NAALADL2: variants seen among roughly 807,000 people sequenced by gnomAD.
NAALADL2 encodes the protein N-acetylated alpha-linked acidic dipeptidase like 2.
A neutral mutation model predicts 87.2 loss-of-function variants in NAALADL2; 76 were observed. The observed-to-expected ratio is 0.87, with a 90% CI of 0.72 to 1.05. The LOEUF (loss-of-function observed/expected upper bound fraction) is 1.05. Ranked by LOEUF, NAALADL2 falls within the 50% of genes least tolerant of loss-of-function variation. The pLI is 0.00. For synonymous variants in NAALADL2, 354 were observed against 331.0 expected, an observed-to-expected ratio of 1.07 and a Z score of -0.75; for missense variants, 1,089 against 945.8, an observed-to-expected ratio of 1.15 and a Z score of -1.99.
At chr3:174,755,066 C>A (rs987601068) in intron 3 of NAALADL2, among the ~76,000 whole-genome samples, 1 of 152,126 alleles carries the variant, frequency 6.6e-6, no homozygotes, top group African/African-American at 2.4e-5. Flanking sequence ...GGGAGAGACC[C>A]GGTGGAGGTG....
intron 5 of NAALADL2, among the ~76,000 whole-genome samples, chr3:175,335,330 C>T (rs1367333490): frequency 6.6e-6 from 1 of 152,162 alleles, no homozygotes; most frequent in Non-Finnish European, 1.5e-5. Context: ...GGAATGAGTG[C>T]TGCAGAATAA....
chr3:174,969,656 A>G lies in NAALADL2; in HGVS notation c.43+110206A>G, dbSNP rs114256912. Among the ~76,000 whole-genome samples the G allele has an allele frequency of 8.0e-3, 1,217 of 152,302 alleles. 13 individuals are homozygous for G. Among genetic ancestry groups the G allele is most frequent in the African/African-American group, 0.027 (1,131 of 41,566 alleles). ...ATAGGACAACACCTTCAGGATACGG[A>G]GGCCATGATAATGTAAAATTCTCCC... On this transcript the variant is annotated intron_variant, in intron 1 of 13. Transcript: ENST00000454872.
intron 1 of NAALADL2, among the ~76,000 whole-genome samples, chr3:174,994,600 T>C (rs181292762): frequency 6.6e-6 from 1 of 152,246 alleles, no homozygotes; most frequent in East Asian, 1.9e-4. Context: ...TCTTTTATTC[T>C]TTTAGCGGTC....
chr3:175,538,972 A>G (rs920985855), intron 9 of NAALADL2, among the ~76,000 whole-genome samples: 1 of 152,238 alleles, frequency 6.6e-6, no homozygotes, highest in Non-Finnish European at 1.5e-5. Flanking sequence ...ATATTTTTCT[A>G]CAAAAGGTAA....
intron 11 of NAALADL2, among the ~76,000 whole-genome samples, chr3:175,628,609 C>CTATGTATA (rs10663163): frequency 8.4e-4 from 111 of 132,232 alleles, no homozygotes; most frequent in South Asian, 3.9e-3. Flanking sequence ...AATAATCTCT[C>CTATGTATA]TCTCTATGTA....
chr3:174,741,480 TG>T (rs1733754660), intron 3 of NAALADL2, among the ~76,000 whole-genome samples: 1 of 151,658 alleles, frequency 6.6e-6, no homozygotes, highest in African/African-American at 2.4e-5. Flanking sequence ...TGGTAATTTT[TG>T]TATTATTATA....
rs185857634 is a variant in NAALADL2, at chr3:174,787,722, A to G, written c.-9+49976A>G. Among the ~76,000 whole-genome samples, 108 of 149,196 alleles carry G rather than the reference A, an allele frequency of 7.2e-4. 3 individuals are homozygous for G. The East Asian group carries it at 0.021, about 29-fold the overall frequency. ...GAGAAGTGGATTAAGTATGGAATAA[A>G]TCTTTCTGGGTTTTTATAAATTTGA... On this transcript the variant is annotated intron_variant, in intron 3 of 3. Coordinates refer to the NAALADL2 transcript ENST00000434257.
At chr3:175,273,657 AT>A (rs1488137349) in intron 4 of NAALADL2, among the ~76,000 whole-genome samples, 1 of 152,110 alleles carries the variant, frequency 6.6e-6, no homozygotes, top group Admixed American at 6.6e-5. Context: ...TAGAAAAAAA[AT>A]GACAATTTAT....
chr3:174,859,214 A>G (rs1214413072), upstream of NAALADL2: 2 of 574,640 alleles, frequency 3.5e-6, no homozygotes, highest in African/African-American at 1.9e-5. Context: ...GGATCAAAAG[A>G]TATGATCTCA....
chr3:174,675,859 A>G (rs918232795), intron 2 of NAALADL2, among the ~76,000 whole-genome samples: 2 of 152,230 alleles, frequency 1.3e-5, no homozygotes, highest in South Asian at 2.1e-4. Flanking sequence ...TTAGCACAGT[A>G]AATTCCAATG....
chr3:174,865,267 A>T (rs981724141), intron 1 of NAALADL2, among the ~76,000 whole-genome samples: 10 of 152,106 alleles, frequency 6.6e-5, no homozygotes, highest in Admixed American at 1.3e-4. Flanking sequence ...CAACTGCTAA[A>T]TTTAATGCAG....
At chr3:175,237,865 A>T (rs1455684470) in intron 3 of NAALADL2, among the ~76,000 whole-genome samples, 3 of 152,120 alleles carry the variant, frequency 2.0e-5, no homozygotes, top group Non-Finnish European at 4.4e-5. Flanking sequence ...ACTTTCTTGT[A>T]TGTCTCCATC....
At chr3:174,744,511 C>G (rs892311396) in intron 3 of NAALADL2, among the ~76,000 whole-genome samples, 8 of 152,066 alleles carry the variant, frequency 5.3e-5, no homozygotes, top group African/African-American at 1.9e-4. Context: ...GAGATTTTAA[C>G]AGCCCACTGT....
chr3:174,619,180 G>T (rs1720763928), intron 2 of NAALADL2, among the ~76,000 whole-genome samples: 1 of 151,802 alleles, frequency 6.6e-6, no homozygotes. Context: ...CTACTCTCTT[G>T]TTACAGATGT....
chr3:174,653,288 T>A (rs1472293717), intron 2 of NAALADL2, among the ~76,000 whole-genome samples: 1 of 152,214 alleles, frequency 6.6e-6, no homozygotes, highest in East Asian at 1.9e-4. Context: ...GTAGAATGGA[T>A]AAATGAATAA....
intron 2 of NAALADL2, among the ~76,000 whole-genome samples, chr3:174,722,163 T>A (rs758109688): frequency 2.0e-5 from 3 of 152,120 alleles, no homozygotes; most frequent in Non-Finnish European, 4.4e-5. Context: ...TCCAATCCCA[T>A]CCTCTAGAAA....
At chr3:174,913,192 G>A (rs567745134) in intron 1 of NAALADL2, among the ~76,000 whole-genome samples, 5 of 152,028 alleles carry the variant, frequency 3.3e-5, no homozygotes, top group South Asian at 4.1e-4. Context: ...AATTATTTTC[G>A]ACTTGTCTTA....
rs554700173 is a variant in NAALADL2, at chr3:175,079,936, A to G, written c.44-16854A>G. Among the ~76,000 whole-genome samples the G allele has an allele frequency of 3.0e-4, 46 of 152,048 alleles. 1 individual carries two copies. Among genetic ancestry groups the G allele is most frequent in the Non-Finnish European group, 3.4e-4 (23 of 67,992 alleles). On this transcript the variant is annotated intron_variant, in intron 1 of 13. Transcript: ENST00000454872. ...GCAAATATAAGAATTGCCATACTCTAAGGGTGGTATTTCACATATTCTAGA... is the reference window on the plus strand; with the variant it reads ...GCAAATATAAGAATTGCCATACTCTGAGGGTGGTATTTCACATATTCTAGA...
At chr3:174,801,096 G>A (rs1413068090) in intron 3 of NAALADL2, among the ~76,000 whole-genome samples, 1 of 152,204 alleles carries the variant, frequency 6.6e-6, no homozygotes, top group Non-Finnish European at 1.5e-5. Context: ...GCTGAAATGA[G>A]TTGAGACTTG....
Sources: gnomAD v4.1 joint callset for allele counts (sites outside exome capture counted in the v4.1 genomes callset) on GRCh38, gnomAD v4.1.1 for gene constraint, MANE v1.5 for transcripts, NCBI Gene and HGNC (gene_info 2026-07-23, HGNC 2026-07-21) for gene names.